KIN: variants seen among roughly 807,000 people sequenced by gnomAD.
KIN encodes the protein DNA/RNA-binding protein KIN17.
A neutral mutation model predicts 63.0 loss-of-function variants in KIN; 47 were observed. The ratio of observed to expected loss-of-function variants is 0.75; its 90% confidence interval spans 0.59 to 0.95. The LOEUF is 0.95. Ranked by LOEUF, KIN falls within the 40% of genes least tolerant of loss-of-function variation. KIN has a pLI of 0.00. For synonymous variants in KIN, 160 were observed against 157.7 expected (o/e 1.01, Z -0.11); for missense variants, 408 against 460.9 (o/e 0.89, Z 1.05).
chr10:7,784,187 C>A (rs1588489334), intron 1 of KIN, among the ~76,000 whole-genome samples: 1 of 152,146 alleles, frequency 6.6e-6, no homozygotes, highest in East Asian at 1.9e-4. Context: ...TGGGGGGATA[C>A]CCTGGCTCTG....
At chr10:7,766,175 G>A (rs752550109) in intron 8 of KIN, 72 bp from the exon 9 acceptor site, 19 of 1,031,400 alleles carry the variant, frequency 1.8e-5, no homozygotes, top group Non-Finnish European at 2.8e-5. Context: ...ATTCTATTTA[G>A]CAAAATAACA....
Position 7,775,797 on chromosome 10 carries a change from CTCCT to C in KIN, c.559-2_560del. On this transcript the variant is annotated splice_acceptor_variant and coding_sequence_variant, in exon 6 of 13. Transcript: ENST00000379562. LOFTEE classifies it high-confidence loss of function. Reference sequence around the variant, plus strand: ...TGCTTAATTCCGTAAAAGTAGGGACCTCCTAAAAAAAAGAAAGTTTTAAGGTTTT... The same window carrying C: ...TGCTTAATTCCGTAAAAGTAGGGACCAAAAAAAAGAAAGTTTTAAGGTTTT... 6.5e-7 allele frequency: 1 copy of C among 1,545,550 alleles called. No individual in the cohort carries two copies.
intron 12 of KIN, among the ~76,000 whole-genome samples, chr10:7,756,628 A>G (rs1835337745): frequency 1.3e-5 from 2 of 152,258 alleles, no homozygotes; most frequent in Non-Finnish European, 2.9e-5. Context: ...CCCTGGGTTC[A>G]CAAATCGCCA....
At chr10:7,774,233 CTGAG>C (rs1483325989) in intron 7 of KIN, among the ~76,000 whole-genome samples, 1 of 152,204 alleles carries the variant, frequency 6.6e-6, no homozygotes, top group Non-Finnish European at 1.5e-5. Context: ...GCAATGACTA[CTGAG>C]TGTTTCCTGG....
At chr10:7,763,587 C>T (rs1269663728) in intron 10 of KIN, 136 bp downstream of exon 10, 2 of 616,476 alleles carry the variant, frequency 3.2e-6, no homozygotes, top group African/African-American at 3.9e-5. Context: ...ATTCAGCTTC[C>T]ATTTCATGGA....
rs71385670 is a variant in KIN at position 7,755,940 on chromosome 10, C to CAACT, written c.*136_*139dup. 0.83 allele frequency: 415,472 copies of CAACT among 500,512 alleles called. 173,126 individuals carry two copies. Among genetic ancestry groups the CAACT allele is most frequent in the Admixed American group, 0.88 (27,705 of 31,528 alleles). 31.0% of individuals were successfully genotyped at this position (500,512 alleles called of 1,614,324 possible). On this transcript the variant is annotated 3_prime_UTR_variant, in exon 13 of 13. Transcript: ENST00000379562. ...AAATTCTTCTCAAAGTTTAGCTGAA[C>CAACT]AACTATACAGTAATATTTTCAAAAA...
At position 7,752,904 on chromosome 10, in the gene KIN, T is replaced by G. The variant is rs1034526649; in HGVS notation, c.*3176A>C. The G allele has an allele frequency of 6.6e-6, 1 of 152,180 alleles. No homozygotes were observed. Among genetic ancestry groups the G allele is most frequent in the Non-Finnish European group, 1.5e-5 (1 of 68,042 alleles). 9.4% of individuals were successfully genotyped at this position (152,180 alleles called of 1,614,324 possible). On this transcript the variant is annotated 3_prime_UTR_variant, in exon 13 of 13. Transcript: ENST00000379562. ...AGGGAGACAGTAAAAAGATCAGCGG[T>G]CAGCAGGGATTTGGGGGGAGACAGG...
intron 5 of KIN, among the ~76,000 whole-genome samples, chr10:7,776,662 C>A (rs192077430): frequency 7.0e-6 from 1 of 142,840 alleles, no homozygotes; most frequent in African/African-American, 2.6e-5. Flanking sequence ...ACCTGGGAGG[C>A]GGAGGTTGCA....
chr10:7,763,944 T>C (rs986714345), intron 9 of KIN, among the ~76,000 whole-genome samples, 153 bp from the exon 10 acceptor site: 2 of 152,216 alleles, frequency 1.3e-5, no homozygotes, highest in African/African-American at 2.4e-5. Context: ...TTCCCAACAA[T>C]GACAAACATT....
chr10:7,755,265 GACAA>G lies in KIN; in HGVS notation c.*811_*814del, dbSNP rs1410371831. 6.6e-6 allele frequency: 1 copy of G among 152,168 alleles called. No individual in the cohort carries two copies. The highest frequency in any genetic ancestry group is 1.5e-5 in the Non-Finnish European group (1 of 68,038). 9.4% of individuals were successfully genotyped at this position (152,168 alleles called of 1,614,324 possible). A position where few individuals can be genotyped will look rare whatever the true frequency, so the allele number is the denominator to read the frequency against. On this transcript the variant is annotated 3_prime_UTR_variant, in exon 13 of 13. Transcript: ENST00000379562. ...CTAAATGTTTATCAGCTGATGAATG[GACAA>G]ACAAAATACGGTACATCCATACAGT...
At chr10:7,776,044 C>A (rs1284254858) in intron 5 of KIN, among the ~76,000 whole-genome samples, 1 of 151,840 alleles carries the variant, frequency 6.6e-6, no homozygotes, top group African/African-American at 2.4e-5. Flanking sequence ...CTGGCCAACA[C>A]AGTGAAACCC....
intron 1 of KIN, among the ~76,000 whole-genome samples, chr10:7,787,188 C>A (rs530277822): frequency 9.2e-5 from 14 of 152,338 alleles, no homozygotes; most frequent in Non-Finnish European, 1.6e-4. Context: ...AATTATTATT[C>A]CCTCTTTACA....
At chr10:7,782,097 T>C (rs1216655895) in intron 2 of KIN, among the ~76,000 whole-genome samples, 1 of 152,120 alleles carries the variant, frequency 6.6e-6, no homozygotes, top group Admixed American at 6.5e-5. Context: ...TAAACCAATT[T>C]TTTTAAAAAA....
Position 7,755,899 on chromosome 10 carries a change from C to A in KIN, c.*181G>T. The A allele has an allele frequency of 9.0e-6, 4 of 445,264 alleles. No individual in the cohort carries two copies. The highest frequency in any genetic ancestry group is 8.0e-6 in the Non-Finnish European group (2 of 250,254). 27.6% of individuals were successfully genotyped at this position (445,264 alleles called of 1,614,324 possible). ...AGGACAAAATTACATAGTTTGATAC[C>A]TCATGAGACATAATTAAATTCTTCT... On this transcript the variant is annotated 3_prime_UTR_variant, in exon 13 of 13. Transcript: ENST00000379562.
rs554840638 is a variant in KIN, at chr10:7,754,397, G to A, written c.*1683C>T. 3.2e-4 allele frequency: 70 copies of A among 219,488 alleles called. No homozygotes were observed. Among genetic ancestry groups the A allele is most frequent in the Non-Finnish European group, 5.5e-4 (59 of 107,168 alleles). The allele number at this position is 219,488 out of a possible 1,614,324, so 13.6% of individuals were successfully genotyped here. Reference sequence around the variant, plus strand: ...TGCCTGTAATCCCAGCACTTTGGGAGGCTGAGGCGGGCAGATCATAAGGTC... The same window carrying A: ...TGCCTGTAATCCCAGCACTTTGGGAAGCTGAGGCGGGCAGATCATAAGGTC... On this transcript the variant is annotated 3_prime_UTR_variant, in exon 13 of 13. Transcript: ENST00000379562.
intron 9 of KIN, 28 bp from the exon 10 acceptor site, chr10:7,763,819 A>C: frequency 9.2e-7 from 1 of 1,092,450 alleles, no homozygotes; most frequent in East Asian, 2.4e-5. Flanking sequence ...AAAAAATGAA[A>C]GGAAAGACAG....
rs1347776408 is a variant in KIN, at chr10:7,753,455, C to G, written c.*2625G>C. ...AACCATTCTCCTTTTTGAAATTCTT[C>G]AGACCAGATTCTTAGTAGTCCAGGC... On this transcript the variant is annotated 3_prime_UTR_variant, in exon 13 of 13. Coordinates refer to ENST00000379562, the MANE Select transcript of KIN (RefSeq NM_012311.4). 1 of 152,190 alleles carries G rather than the reference C, an allele frequency of 6.6e-6. No individual in the cohort carries two copies. The highest frequency in any genetic ancestry group is 1.5e-5 in the Non-Finnish European group (1 of 68,036). 9.4% of individuals were successfully genotyped at this position (152,190 alleles called of 1,614,324 possible).
In KIN at chr10:7,751,897, C is replaced by A. The variant is rs11255334; in HGVS notation, c.*4183G>T. 14 of 12,536 alleles carry A rather than the reference C, an allele frequency of 1.1e-3. 7 individuals are homozygous for A. The highest frequency in any genetic ancestry group is 4.1e-3 in the South Asian group (2 of 492). 0.8% of individuals were successfully genotyped at this position (12,536 alleles called of 1,614,324 possible). Reference sequence around the variant, plus strand: ...AAAAATACAAAAAATTAGCCGGGCGCGGTGGCGGGCGCCTGTAGTCCCAGC... The same window carrying A: ...AAAAATACAAAAAATTAGCCGGGCGAGGTGGCGGGCGCCTGTAGTCCCAGC... On this transcript the variant is annotated 3_prime_UTR_variant, in exon 13 of 13. Transcript: ENST00000379562.
At chr10:7,770,459 G>A (rs1043618291) in intron 7 of KIN, among the ~76,000 whole-genome samples, 2 of 152,132 alleles carry the variant, frequency 1.3e-5, no homozygotes, top group Non-Finnish European at 1.5e-5. Context: ...ATTCTTTAAG[G>A]TCCATTCATG....
Sources: gnomAD v4.1 joint callset for allele counts (sites outside exome capture counted in the v4.1 genomes callset) on GRCh38, gnomAD v4.1.1 for gene constraint, MANE v1.5 for transcripts, NCBI Gene and HGNC (gene_info 2026-07-23, HGNC 2026-07-21) for gene names.